Variants in RBPMS observed in about 807,000 individuals in gnomAD.
RBPMS encodes the protein RNA-binding protein with multiple splicing.
In RBPMS, 7 loss-of-function variants were observed where a neutral mutation model predicts 26.8. That is an observed-to-expected ratio of 0.26 (90% confidence interval 0.15 to 0.49). The LOEUF (loss-of-function observed/expected upper bound fraction) is 0.49, where lower values mean the gene tolerates loss of function less well. Among genes scored for constraint, RBPMS ranks in the 20% least tolerant of loss-of-function variants. The pLI, the probability that RBPMS is intolerant of heterozygous loss-of-function variation, is 0.98. For synonymous variants in RBPMS, 96 were observed against 93.3 expected (o/e 1.03, Z -0.17); for missense variants, 186 against 250.0 (o/e 0.74, Z 1.73).
chr8:30,477,296 G>A (rs1459692464), intron 2 of RBPMS, among the ~76,000 whole-genome samples: 7 of 150,554 alleles, frequency 4.6e-5, no homozygotes, highest in Non-Finnish European at 1.0e-4. Context: ...TGATCCGCCC[G>A]CCTTGGCCTC....
intron 6 of RBPMS, among the ~76,000 whole-genome samples, chr8:30,551,750 G>A (rs941276117): frequency 1.3e-5 from 2 of 152,100 alleles, no homozygotes; most frequent in African/African-American, 2.4e-5. Context: ...GCACCTAACT[G>A]GGACTCAGTT....
chr8:30,518,917 A>T (rs1585740334), intron 5 of RBPMS, among the ~76,000 whole-genome samples: 1 of 151,530 alleles, frequency 6.6e-6, no homozygotes, highest in African/African-American at 2.4e-5. Context: ...TTTTCAGGTG[A>T]TATTGCTAGT....
chr8:30,421,936 C>T (rs552098387), intron 1 of RBPMS, among the ~76,000 whole-genome samples: 6 of 136,714 alleles, frequency 4.4e-5, no homozygotes, highest in South Asian at 2.4e-4. Flanking sequence ...GCCTGGGTGA[C>T]ATAGCGAGAC....
intron 1 of RBPMS, among the ~76,000 whole-genome samples, chr8:30,391,061 G>A (rs1016351176): frequency 3.3e-5 from 5 of 152,122 alleles, no homozygotes; most frequent in Non-Finnish European, 5.9e-5. Flanking sequence ...ACCTCCATTT[G>A]CGAGCACAGG....
In RBPMS at chr8:30,491,327, T is replaced by C. The variant is rs186759475; in HGVS notation, c.246+11950T>C. Among the ~76,000 whole-genome samples the C allele has an allele frequency of 4.6e-5, 7 of 152,304 alleles. No individual in the cohort carries two copies. The East Asian group carries it at 1.3e-3, about 29-fold the overall frequency. Reference sequence around the variant, plus strand: ...TTGTCAAGTTGTACAGTTTGAAAATTAGTAGCTAGATCAAGATAGTGATTA... The same window carrying C: ...TTGTCAAGTTGTACAGTTTGAAAATCAGTAGCTAGATCAAGATAGTGATTA... On this transcript the variant is annotated intron_variant, in intron 4 of 8. Coordinates refer to ENST00000397323, the MANE Select transcript of RBPMS (RefSeq NM_001008710.3).
intron 1 of RBPMS, among the ~76,000 whole-genome samples, chr8:30,410,340 C>G (rs1043201551): frequency 1.3e-5 from 2 of 152,152 alleles, no homozygotes; most frequent in Non-Finnish European, 2.9e-5. Context: ...TCCCAAGTAG[C>G]TGGGACTACA....
At chr8:30,385,385 A>T (rs909736800) in intron 1 of RBPMS, 31 of 392,242 alleles carry the variant, frequency 7.9e-5, no homozygotes, top group Admixed American at 1.4e-4. Context: ...CTTTTCGGAG[A>T]CTTTTGTAAG....
Position 30,571,072 on chromosome 8 carries a change from T to A in RBPMS, c.*547T>A, listed in dbSNP as rs533373027. The A allele has an allele frequency of 9.2e-5, 14 of 151,808 alleles. No individual in the cohort carries two copies. Among genetic ancestry groups the A allele is most frequent in the Non-Finnish European group, 2.9e-5 (2 of 68,026 alleles). 9.4% of individuals were successfully genotyped at this position (151,808 alleles called of 1,614,324 possible). ...ATTGTATTGTGAATATATAGAAATC[T>A]GTGCCTGGCCGGAGTCCAGGGTAAA... On this transcript the variant is annotated 3_prime_UTR_variant, in exon 9 of 9. Transcript: ENST00000397323.
At chr8:30,462,209 T>C (rs1282177663) in intron 1 of RBPMS, among the ~76,000 whole-genome samples, 1 of 152,202 alleles carries the variant, frequency 6.6e-6, no homozygotes, top group African/African-American at 2.4e-5. Context: ...TGGTTGTACC[T>C]TTTTGCATTC....
chr8:30,552,803 T>C (rs576235618), intron 6 of RBPMS: 1 of 152,330 alleles, frequency 6.6e-6, no homozygotes, highest in South Asian at 2.1e-4. Flanking sequence ...GAGAGAAAAT[T>C]CTCCCTGGAG....
At chr8:30,461,894 A>G (rs1405357103) in intron 1 of RBPMS, among the ~76,000 whole-genome samples, 2 of 152,158 alleles carry the variant, frequency 1.3e-5, no homozygotes, top group African/African-American at 4.8e-5. Context: ...ACAAGTCCCC[A>G]CTACAGAGAT....
rs1288808763 is a variant in RBPMS, at chr8:30,385,059, G to T, written c.-34G>T. ...CGCCCTCGCCCAGCCCCGCGCCCCA[G>T]CCCTGCCCGGCCCGGCGAGGAAGGA... is the stretch of plus-strand genomic sequence containing the variant. On this transcript the variant is annotated 5_prime_UTR_variant, in exon 1 of 9. Coordinates refer to ENST00000397323, the MANE Select transcript of RBPMS (RefSeq NM_001008710.3). 3 of 1,490,334 alleles carry T rather than the reference G, an allele frequency of 2.0e-6. No individual in the cohort carries two copies. The highest frequency in any genetic ancestry group is 2.7e-6 in the Non-Finnish European group (3 of 1,117,078). The allele number at this position is 1,490,334 out of a possible 1,614,324, so 92.3% of individuals were successfully genotyped here.
At chr8:30,499,570 C>T (rs1202771612) in intron 4 of RBPMS, among the ~76,000 whole-genome samples, 1 of 151,892 alleles carries the variant, frequency 6.6e-6, no homozygotes, top group Non-Finnish European at 1.5e-5. Flanking sequence ...CTCTGATCTT[C>T]CTGCCAAAAA....
Position 30,390,150 on chromosome 8 carries a change from G to A in RBPMS, c.66+4992G>A, listed in dbSNP as rs1056933179. The stretch of plus-strand genomic sequence containing the variant: ...TGCTATTTACTTTCTGATGCCTTTC[G>A]GTGTTTAAGTTTTCGAAAATGACCA... On this transcript the variant is annotated intron_variant, in intron 1 of 8. Coordinates refer to ENST00000397323, the MANE Select transcript of RBPMS (RefSeq NM_001008710.3). Among the ~76,000 whole-genome samples, 12 of 151,998 alleles carry A rather than the reference G, an allele frequency of 7.9e-5. 1 individual carries two copies. Among genetic ancestry groups the A allele is most frequent in the Non-Finnish European group, 1.5e-4 (10 of 67,994 alleles).
chr8:30,471,091 A>G (rs1817045433), intron 1 of RBPMS, among the ~76,000 whole-genome samples: 1 of 152,218 alleles, frequency 6.6e-6, no homozygotes, highest in Non-Finnish European at 1.5e-5. Flanking sequence ...AGAAAGATGG[A>G]AAATACAAAT....
chr8:30,466,597 C>CTT (rs1161388621), intron 1 of RBPMS, among the ~76,000 whole-genome samples: 22 of 138,814 alleles, frequency 1.6e-4, no homozygotes, highest in East Asian at 8.5e-4. Context: ...TCTTTTTTTT[C>CTT]TTTTTTTTTT....
At chr8:30,386,766 T>C (rs1368919164) in intron 1 of RBPMS, among the ~76,000 whole-genome samples, 1 of 152,216 alleles carries the variant, frequency 6.6e-6, no homozygotes, top group African/African-American at 2.4e-5. Flanking sequence ...TCAGAAATCT[T>C]TCTGTTTCAG....
intron 2 of RBPMS, among the ~76,000 whole-genome samples, chr8:30,476,172 G>A (rs1283968434): frequency 6.7e-6 from 1 of 149,164 alleles, no homozygotes; most frequent in Non-Finnish European, 1.5e-5. Flanking sequence ...TTTCAAGTGG[G>A]TGAGTCTCAT....
At chr8:30,515,274 G>A (rs1822184316) in intron 5 of RBPMS, among the ~76,000 whole-genome samples, 1 of 152,106 alleles carries the variant, frequency 6.6e-6, no homozygotes, top group Non-Finnish European at 1.5e-5. Context: ...ACCAGGCCAG[G>A]ACAATGGATT....
Sources: gnomAD v4.1 joint callset for allele counts (sites outside exome capture counted in the v4.1 genomes callset) on GRCh38, gnomAD v4.1.1 for gene constraint, MANE v1.5 for transcripts, NCBI Gene and HGNC (gene_info 2026-07-23, HGNC 2026-07-21) for gene names.